The following POLA1 variants were observed in gnomAD, a reference collection of about 807,000 sequenced individuals.
POLA1 encodes DNA polymerase alpha catalytic subunit.
In POLA1, 15 loss-of-function variants were observed where a neutral mutation model predicts 124.0. That is an observed-to-expected ratio of 0.12 (90% CI 0.08 to 0.19). The LOEUF is 0.19. POLA1 is among the 10% of genes least tolerant of loss of function. The pLI is 1.00. For missense variants in POLA1, 886 were observed against 1,103.4 expected, an observed-to-expected ratio of 0.80 and a Z score of 2.79; for synonymous variants, 408 against 389.4, an observed-to-expected ratio of 1.05 and a Z score of -0.56.
chrX:24,960,254 A>T (rs2048153803), intron 36 of POLA1, among the ~76,000 whole-genome samples: 1 of 111,906 alleles, frequency 8.9e-6, no homozygotes, highest in African/African-American at 3.3e-5. Flanking sequence ...GCATATGAGA[A>T]AGTACCCTGT....
chrX:24,743,186 A>G (rs758379596), intron 22 of POLA1, 44 bp from the exon 23 acceptor site: 4 of 654,241 alleles, frequency 6.1e-6, no homozygotes, highest in Non-Finnish European at 9.5e-6. Flanking sequence ...TAAATTAGTT[A>G]ATTAGTTGCT....
intron 35 of POLA1, among the ~76,000 whole-genome samples, chrX:24,926,836 C>CT (rs1178849548): frequency 3.1e-3 from 319 of 102,070 alleles, no homozygotes; most frequent in Non-Finnish European, 4.8e-3. Flanking sequence ...ATCATCAGTA[C>CT]TTTTTTTTTT....
At position 24,693,955 on chromosome X, in the gene POLA1, C is replaced by T; in HGVS notation, c.-7C>T. ...CTGGTTGGCGCGGAATCGGGAGATT[C>T]GGGACCATGGCACCTGTGCACGGCG... On this transcript the variant is annotated 5_prime_UTR_variant, in exon 1 of 37. Transcript: ENST00000379068. The T allele has an allele frequency of 1.7e-6, 2 of 1,193,525 alleles. No individual in the cohort carries two copies. The highest frequency in any genetic ancestry group is 3.1e-5 in the East Asian group (1 of 32,589).
intron 26 of POLA1, among the ~76,000 whole-genome samples, chrX:24,792,247 C>T (rs988702705): frequency 9.0e-6 from 1 of 111,233 alleles, no homozygotes. Flanking sequence ...GCATGTTCTC[C>T]AAACAGCTGT....
intron 35 of POLA1, among the ~76,000 whole-genome samples, chrX:24,919,559 G>C (rs2147194552): frequency 9.0e-6 from 1 of 111,219 alleles, no homozygotes; most frequent in East Asian, 2.8e-4. Flanking sequence ...AAAGGCAAAT[G>C]AACACGTATT....
intron 26 of POLA1, among the ~76,000 whole-genome samples, chrX:24,806,195 A>G (rs1317824309): frequency 9.9e-6 from 1 of 100,812 alleles, no homozygotes; most frequent in East Asian, 3.1e-4. Flanking sequence ...CTCAGAGCCT[A>G]ATTTTCCTCA....
At chrX:24,745,962 G>A (rs1569293638) in intron 24 of POLA1, among the ~76,000 whole-genome samples, 1 of 111,660 alleles carries the variant, frequency 9.0e-6, no homozygotes, top group Non-Finnish European at 1.9e-5. Context: ...TACTTTATTC[G>A]TTTGTGTTGC....
chrX:24,988,485 C>T (rs1360496976), intron 36 of POLA1, among the ~76,000 whole-genome samples: 3 of 112,496 alleles, frequency 2.7e-5, no homozygotes, highest in Non-Finnish European at 5.6e-5. Context: ...TTTTCTTTTC[C>T]TCACATCTGC....
At chrX:24,745,376 GCTTTT>G (rs1231732963) in intron 23 of POLA1, 37 bp from the exon 24 acceptor site, 2 of 1,039,868 alleles carry the variant, frequency 1.9e-6, no homozygotes, top group Admixed American at 5.7e-5. Context: ...TGACAATTCT[GCTTTT>G]CTTTAGACTT....
chrX:24,762,802 A>T (rs1320815218), intron 26 of POLA1, among the ~76,000 whole-genome samples: 1 of 109,909 alleles, frequency 9.1e-6, no homozygotes, highest in Admixed American at 9.7e-5. Flanking sequence ...CAGTGGCATG[A>T]TCTTGGCTCA....
At chrX:24,695,372 T>C (rs527738842) in intron 1 of POLA1, among the ~76,000 whole-genome samples, 1 of 111,760 alleles carries the variant, frequency 8.9e-6, no homozygotes, top group African/African-American at 3.2e-5. Flanking sequence ...ATGTAGGCTT[T>C]TTTTTTTCTT....
intron 4 of POLA1, among the ~76,000 whole-genome samples, chrX:24,709,563 G>A (rs1929198319): frequency 9.4e-6 from 1 of 106,584 alleles, no homozygotes; most frequent in South Asian, 4.3e-4. Context: ...TGGGGTGGCT[G>A]CTGGGCGGAG....
chrX:24,828,241 T>C (rs1390150296), intron 32 of POLA1, among the ~76,000 whole-genome samples: 1 of 112,736 alleles, frequency 8.9e-6, no homozygotes, highest in Non-Finnish European at 1.9e-5. Flanking sequence ...TTGGATACAG[T>C]GATAAGTACT....
intron 34 of POLA1, among the ~76,000 whole-genome samples, chrX:24,879,183 A>G (rs1189799905): frequency 9.0e-6 from 1 of 111,155 alleles, no homozygotes; most frequent in Non-Finnish European, 1.9e-5. Context: ...GTAATGAACA[A>G]TTTTTCTTAG....
At chrX:24,747,455 G>A (rs781228957) in intron 24 of POLA1, among the ~76,000 whole-genome samples, 2 of 110,996 alleles carry the variant, frequency 1.8e-5, no homozygotes, top group Admixed American at 9.6e-5. Flanking sequence ...GTGAGCCACC[G>A]CTCCTGGCTG....
At chrX:24,871,266 A>G (rs2046859600) in intron 34 of POLA1, among the ~76,000 whole-genome samples, 1 of 112,036 alleles carries the variant, frequency 8.9e-6, no homozygotes, top group Admixed American at 9.5e-5. Flanking sequence ...ACCTGCTCAA[A>G]CACAGATTGC....
intron 36 of POLA1, among the ~76,000 whole-genome samples, chrX:24,947,018 G>A (rs1343624999): frequency 9.0e-6 from 1 of 110,742 alleles, no homozygotes; most frequent in African/African-American, 3.3e-5. Context: ...ATAGAGTTGG[G>A]CTGTGATATC....
chrX:24,911,582 A>C (rs1401517143), intron 35 of POLA1, among the ~76,000 whole-genome samples: 1 of 110,712 alleles, frequency 9.0e-6, no homozygotes, highest in Non-Finnish European at 1.9e-5. Flanking sequence ...CAAAGCAAGC[A>C]GAGGGGAGGA....
intron 36 of POLA1, among the ~76,000 whole-genome samples, chrX:24,948,626 GATAAAA>G (rs1056525046): frequency 5.4e-5 from 6 of 111,939 alleles, no homozygotes; most frequent in Admixed American, 4.7e-4. Flanking sequence ...GTGGGCATGT[GATAAAA>G]ATAAAATACA....
Sources: allele counts gnomAD v4.1 joint callset (sites outside exome capture counted in the v4.1 genomes callset), GRCh38; gene constraint gnomAD v4.1.1; transcripts MANE v1.5; gene names NCBI Gene and HGNC (gene_info 2026-07-23, HGNC 2026-07-21).